The following CDIN1 variants were observed in gnomAD, a reference collection of about 807,000 sequenced individuals.
CDIN1 encodes CDAN1-interacting nuclease 1.
CDIN1 carries 33 observed loss-of-function variants against 45.3 expected under a neutral mutation model. The ratio of observed to expected loss-of-function variants is 0.73; its 90% CI spans 0.55 to 0.97. The LOEUF is 0.97. Ranked by LOEUF, CDIN1 falls within the 50% of genes least tolerant of loss-of-function variation. CDIN1 has a pLI of 0.00. For missense variants in CDIN1, 303 were observed against 339.4 expected, an observed-to-expected ratio of 0.89 and a Z score of 0.84; for synonymous variants, 118 against 124.4, an observed-to-expected ratio of 0.95 and a Z score of 0.34.
chr15:36,732,939 A>G (rs916212732), intron 10 of CDIN1, among the ~76,000 whole-genome samples: 1 of 152,038 alleles, frequency 6.6e-6, no homozygotes, highest in Non-Finnish European at 1.5e-5. Context: ...CCAGTAGCAA[A>G]CCCAGTATTT....
intron 10 of CDIN1, among the ~76,000 whole-genome samples, chr15:36,723,973 C>G (rs1447482619): frequency 6.6e-6 from 1 of 152,190 alleles, no homozygotes; most frequent in Non-Finnish European, 1.5e-5. Flanking sequence ...CAATTATGTT[C>G]AAGGTGCTGG....
At chr15:36,655,548 A>G (rs745966157) in intron 4 of CDIN1, among the ~76,000 whole-genome samples, 3 of 151,966 alleles carry the variant, frequency 2.0e-5, no homozygotes, top group Admixed American at 6.5e-5. Flanking sequence ...GATGGTCTTG[A>G]TCTCCTGACC....
Position 36,657,841 on chromosome 15 carries a change from T to C in CDIN1, c.282T>C (p.Tyr94=), listed in dbSNP as rs1454788532. The C allele has an allele frequency of 3.1e-6, 5 of 1,611,480 alleles. No homozygotes were observed. Among genetic ancestry groups the C allele is most frequent in the Non-Finnish European group, 2.5e-6 (3 of 1,178,728 alleles). The change falls in exon 5 of 11, where the codon TAT becomes TAC. Residue 94 remains tyrosine, a synonymous_variant. Transcript: ENST00000566621. ...ACTTCTGTTTTATAAAGGTGGACTA[T>C]GCGCCCTCATTAATGGCTCGGCTTA... is the stretch of plus-strand genomic sequence containing the variant. The part of the protein sequence containing the change: ...VLLDLANEVD[Y]APSLMARLIL...
intron 10 of CDIN1, among the ~76,000 whole-genome samples, chr15:36,718,246 A>G (rs562809587): frequency 1.3e-5 from 2 of 152,230 alleles, no homozygotes; most frequent in East Asian, 3.9e-4. Flanking sequence ...ATACCAATTC[A>G]ACACTGTTTT....
rs535167403 is a variant in CDIN1, at chr15:36,805,233, T to C, written c.717-3091T>C. Among the ~76,000 whole-genome samples the C allele has an allele frequency of 7.9e-5, 12 of 152,270 alleles. No homozygotes were observed. In the South Asian group the frequency reaches 1.2e-3, roughly 16 times the overall value. On this transcript the variant is annotated intron_variant, in intron 10 of 10. Transcript: ENST00000566621. ...GGATCTTATTACTTGACCATGAGTA[T>C]AGCAACCATAAAATTATAGTCAACT...
intron 5 of CDIN1, among the ~76,000 whole-genome samples, chr15:36,689,781 C>G (rs1453815757): frequency 6.6e-6 from 1 of 152,098 alleles, no homozygotes; most frequent in Non-Finnish European, 1.5e-5. Context: ...GTGGTAATTG[C>G]TTTCAGAAAT....
At chr15:36,762,762 G>A (rs1262190038) in intron 10 of CDIN1, among the ~76,000 whole-genome samples, 2 of 152,022 alleles carry the variant, frequency 1.3e-5, no homozygotes, top group Admixed American at 6.6e-5. Flanking sequence ...TTGTCCCTGC[G>A]ATATTTTGCT....
At chr15:36,712,438 G>T (rs1228714109) in intron 10 of CDIN1, among the ~76,000 whole-genome samples, 3 of 151,618 alleles carry the variant, frequency 2.0e-5, no homozygotes, top group African/African-American at 7.3e-5. Context: ...GCTAATTTTT[G>T]TGTTTTTAGT....
At position 36,712,250 on chromosome 15, in the gene CDIN1, T is replaced by A. The variant is rs1018809182; in HGVS notation, c.716+2289T>A. Among the ~76,000 whole-genome samples, 4 of 147,996 alleles carry A rather than the reference T, an allele frequency of 2.7e-5. No individual in the cohort carries two copies. The Admixed American group carries it at 2.7e-4, about 10-fold the overall frequency. Reference sequence around the variant, plus strand: ...AATAAGACTGTTCAATTACTATTTATAGACTAATGCTTTTTTTTTTTTTTT... The same window carrying A: ...AATAAGACTGTTCAATTACTATTTAAAGACTAATGCTTTTTTTTTTTTTTT... On this transcript the variant is annotated intron_variant, in intron 10 of 10. Transcript: ENST00000566621.
At chr15:36,751,232 T>C (rs2140970906) in intron 10 of CDIN1, among the ~76,000 whole-genome samples, 2 of 60,150 alleles carry the variant, frequency 3.3e-5, no homozygotes, top group Admixed American at 2.6e-4. Context: ...GCTTATTTTA[T>C]ATATATATAT....
intron 1 of CDIN1, among the ~76,000 whole-genome samples, chr15:36,584,715 C>A (rs1158615289): frequency 6.6e-6 from 1 of 152,154 alleles, no homozygotes; most frequent in East Asian, 1.9e-4. Flanking sequence ...CATACTCACT[C>A]ACACTGGGGC....
intron 10 of CDIN1, among the ~76,000 whole-genome samples, chr15:36,798,056 C>T (rs1019385986): frequency 1.8e-4 from 26 of 143,846 alleles, no homozygotes; most frequent in African/African-American, 6.7e-4. Context: ...AATTATTTTC[C>T]AAATGAGTAG....
intron 10 of CDIN1, among the ~76,000 whole-genome samples, chr15:36,718,812 CTTT>C (rs3045909): frequency 0.011 from 1,050 of 96,614 alleles, 4 homozygotes; most frequent in African/African-American, 0.026. Context: ...AATTTGTATG[CTTT>C]TTTTTTTTTT....
chr15:36,794,449 A>G (rs1252623190), intron 10 of CDIN1, among the ~76,000 whole-genome samples: 1 of 152,092 alleles, frequency 6.6e-6, no homozygotes, highest in Non-Finnish European at 1.5e-5. Flanking sequence ...TTAAACACTA[A>G]TTTCTTCTTT....
At chr15:36,759,494 A>T (rs1045763396) in intron 10 of CDIN1, among the ~76,000 whole-genome samples, 3 of 148,180 alleles carry the variant, frequency 2.0e-5, no homozygotes, top group Admixed American at 6.7e-5. Context: ...TTTAATTTCT[A>T]AAAAAAAAAC....
chr15:36,623,295 A>G (rs539929182), intron 1 of CDIN1, among the ~76,000 whole-genome samples: 2 of 152,322 alleles, frequency 1.3e-5, no homozygotes, highest in South Asian at 4.1e-4. Context: ...CCAAATCCAT[A>G]CTTTTTTTTA....
chr15:36,581,441 G>A (rs1405719822), intron 1 of CDIN1, among the ~76,000 whole-genome samples: 1 of 152,006 alleles, frequency 6.6e-6, no homozygotes, highest in Admixed American at 6.6e-5. Context: ...ATTCTCTTAT[G>A]CTCTTTTCTT....
chr15:36,669,621 A>T (rs899955047), intron 5 of CDIN1, among the ~76,000 whole-genome samples: 1 of 152,044 alleles, frequency 6.6e-6, no homozygotes, highest in African/African-American at 2.4e-5. Context: ...ACGTAATTCA[A>T]ATTTCACCAG....
intron 10 of CDIN1, 76 bp from the exon 11 acceptor site, chr15:36,808,248 T>C (rs1013074339): frequency 1.9e-6 from 3 of 1,572,258 alleles, no homozygotes; most frequent in African/African-American, 1.4e-5. Flanking sequence ...AATCATCTTA[T>C]CAGTGCCCCA....
Sources: gnomAD v4.1 joint callset for allele counts (sites outside exome capture counted in the v4.1 genomes callset) on GRCh38, gnomAD v4.1.1 for gene constraint, MANE v1.5 for transcripts, NCBI Gene and HGNC (gene_info 2026-07-23, HGNC 2026-07-21) for gene names.